PRDM11: variants seen among roughly 807,000 people sequenced by gnomAD.
PRDM11 encodes the protein PR/SET domain 11.
A neutral mutation model predicts 97.8 loss-of-function variants in PRDM11; 20 were observed. The observed-to-expected ratio is 0.20, with a 90% CI of 0.14 to 0.30. The LOEUF (loss-of-function observed/expected upper bound fraction) is 0.30. PRDM11 is among the 10% of genes least tolerant of loss of function. PRDM11 has a pLI of 1.00. For missense variants in PRDM11, 1,139 were observed against 1,555.2 expected (o/e 0.73, Z 4.50); for synonymous variants, 599 against 637.7 (o/e 0.94, Z 0.91).
rs774992710 is a variant in PRDM11 at position 45,206,477 on chromosome 11, G to A, written c.554+1699G>A. Among the ~76,000 whole-genome samples, 176 of 152,322 alleles carry A rather than the reference G, an allele frequency of 1.2e-3. 1 individual carries two copies. Among genetic ancestry groups the A allele is most frequent in the Admixed American group, 4.2e-3 (65 of 15,304 alleles). On this transcript the variant is annotated intron_variant, in intron 5 of 7. Coordinates refer to ENST00000683152, the MANE Select transcript of PRDM11 (RefSeq NM_001384648.1). ...GCTGCAGCCTGGCTCCAGGCAAGCA[G>A]GGGAGACCGTGCGTGTGTCCACTTG...
chr11:45,164,920 A>G (rs774305193), intron 1 of PRDM11, among the ~76,000 whole-genome samples: 5 of 152,102 alleles, frequency 3.3e-5, no homozygotes, highest in African/African-American at 1.2e-4. Flanking sequence ...AGGCTCAGAG[A>G]GGGAAAGGGA....
chr11:45,216,067 C>T (rs1187825092), intron 5 of PRDM11: 1 of 152,626 alleles, frequency 6.6e-6, no homozygotes, highest in Non-Finnish European at 1.5e-5. Flanking sequence ...TAGTACTTAC[C>T]TATCCAGTCC....
chr11:45,196,856 G>A (rs1453567274), intron 4 of PRDM11, among the ~76,000 whole-genome samples: 1 of 152,194 alleles, frequency 6.6e-6, no homozygotes, highest in African/African-American at 2.4e-5. Context: ...TACCACCTGC[G>A]AGAAATGTGT....
intron 1 of PRDM11, among the ~76,000 whole-genome samples, chr11:45,156,431 A>C (rs1450332183): frequency 6.6e-6 from 1 of 152,214 alleles, no homozygotes; most frequent in Non-Finnish European, 1.5e-5. Context: ...TCCTCTTGGA[A>C]CACTGGGAGC....
At position 45,219,710 on chromosome 11, in the gene PRDM11, G is replaced by T. The variant is rs747124010; in HGVS notation, c.695G>T (p.Arg232Leu). 2 of 1,614,008 alleles carry T rather than the reference G, an allele frequency of 1.2e-6. No homozygotes were observed. Among genetic ancestry groups the T allele is most frequent in the Non-Finnish European group, 1.7e-6 (2 of 1,180,016 alleles). The change falls in exon 6 of 8, where the codon CGC becomes CTC. Residue 232 changes from arginine (R) to leucine (L), a missense_variant. Arg to Leu is a moderately radical substitution (Grantham distance 102). Transcript: ENST00000683152. The surrounding 1 kb of genome is among the most constrained non-coding windows in gnomAD (Gnocchi z 4.2). ...RVWYSEDYMK[R>L]LHSMSQETIH... ...TGGTACAGCGAGGACTACATGAAGCGCCTGCACAGCATGTCCCAGGAAACC... is the reference window on the plus strand; with the variant it reads ...TGGTACAGCGAGGACTACATGAAGCTCCTGCACAGCATGTCCCAGGAAACC...
chr11:45,168,958 G>A (rs146975345), intron 1 of PRDM11, among the ~76,000 whole-genome samples: 137 of 152,260 alleles, frequency 9.0e-4, no homozygotes, highest in African/African-American at 3.1e-3. Flanking sequence ...GTGGCTGACC[G>A]GGTACTTGGA....
chr11:45,192,318 AAC>A lies in PRDM11; in HGVS notation c.486+9198_486+9199del, dbSNP rs369209891. Reference sequence around the variant, plus strand: ...TGTTCTCAGATGCAATGGATCATAAAACACTGTTGATTCAATATCAGCTTTTC... The same window carrying A: ...TGTTCTCAGATGCAATGGATCATAAAACTGTTGATTCAATATCAGCTTTTC... On this transcript the variant is annotated intron_variant, in intron 4 of 7. Transcript: ENST00000683152. Among the ~76,000 whole-genome samples, 307 of 152,364 alleles carry A rather than the reference AAC, an allele frequency of 2.0e-3. 3 individuals carry two copies. The highest frequency in any genetic ancestry group is 0.016 in the South Asian group (77 of 4,834).
chr11:45,199,034 A>G (rs1424036632), intron 4 of PRDM11, among the ~76,000 whole-genome samples: 1 of 152,076 alleles, frequency 6.6e-6, no homozygotes, highest in Non-Finnish European at 1.5e-5. Context: ...AAGGTACTCC[A>G]TAAGTGGTAG....
chr11:45,104,836 G>A (rs748265236), intron 1 of PRDM11, among the ~76,000 whole-genome samples: 8 of 152,260 alleles, frequency 5.3e-5, no homozygotes, highest in East Asian at 1.9e-4. Flanking sequence ...TTGGGTTCTC[G>A]ATGCCTTGTG....
At chr11:45,125,148 T>G (rs1027102424) in intron 1 of PRDM11, among the ~76,000 whole-genome samples, 2 of 152,150 alleles carry the variant, frequency 1.3e-5, no homozygotes, top group Non-Finnish European at 2.9e-5. Context: ...TAGTATTCTC[T>G]GATGGTAGTT....
chr11:45,119,639 AAAAAAAAAAAC>A (rs1194071407), intron 1 of PRDM11, among the ~76,000 whole-genome samples: 4 of 146,372 alleles, frequency 2.7e-5, no homozygotes, highest in African/African-American at 1.0e-4. Context: ...AAAAAAAAAA[AAAAAAAAAAAC>A]ACCTGGTAAG....
At chr11:45,172,435 C>T (rs548627515) in intron 1 of PRDM11, among the ~76,000 whole-genome samples, 1 of 152,262 alleles carries the variant, frequency 6.6e-6, no homozygotes, top group Admixed American at 6.5e-5. Context: ...GGGGTCCCAC[C>T]CTCAGTCATC....
chr11:45,113,428 T>C (rs1021210483), intron 1 of PRDM11, among the ~76,000 whole-genome samples: 2 of 152,168 alleles, frequency 1.3e-5, no homozygotes, highest in African/African-American at 4.8e-5. Flanking sequence ...TTGCTTTGGT[T>C]ATACAGGATT....
chr11:45,175,509 G>C (rs2863159), intron 1 of PRDM11, among the ~76,000 whole-genome samples: 1 of 152,090 alleles, frequency 6.6e-6, no homozygotes, highest in African/African-American at 2.4e-5. Flanking sequence ...ATTGCTGTCT[G>C]TTATTTCATT....
intron 1 of PRDM11, among the ~76,000 whole-genome samples, chr11:45,160,712 G>A (rs1472582979): frequency 6.6e-6 from 1 of 152,228 alleles, no homozygotes; most frequent in Non-Finnish European, 1.5e-5. Context: ...ATCTAGAGCA[G>A]CTACTGCTGG....
At chr11:45,203,780 C>T (rs183510436) in intron 4 of PRDM11, among the ~76,000 whole-genome samples, 36 of 152,182 alleles carry the variant, frequency 2.4e-4, no homozygotes, top group Middle Eastern at 3.4e-3. Flanking sequence ...GCCACCACAC[C>T]CAGCTAATTT....
At chr11:45,120,551 GA>G (rs1423490348) in intron 1 of PRDM11, among the ~76,000 whole-genome samples, 1 of 151,898 alleles carries the variant, frequency 6.6e-6, no homozygotes, top group African/African-American at 2.4e-5. Flanking sequence ...ATGGAAGCTA[GA>G]AAAAGAATAT....
At chr11:45,135,128 ACT>A (rs58588988) in intron 1 of PRDM11, among the ~76,000 whole-genome samples, 19,813 of 148,700 alleles carry the variant, frequency 0.13, 1,445 homozygotes, top group Middle Eastern at 0.22. Context: ...TTTTAATTAT[ACT>A]CTCTCTCTCT....
chr11:45,124,005 T>A (rs1486287267), intron 1 of PRDM11, among the ~76,000 whole-genome samples: 1 of 148,814 alleles, frequency 6.7e-6, no homozygotes, highest in Non-Finnish European at 1.5e-5. Flanking sequence ...TTTGTTTGTA[T>A]CCTCTTTTAT....
Sources: allele counts gnomAD v4.1 joint callset (sites outside exome capture counted in the v4.1 genomes callset), GRCh38; gene constraint gnomAD v4.1.1; non-coding constraint Gnocchi (gnomAD v3.1); transcripts MANE v1.5; gene names NCBI Gene and HGNC (gene_info 2026-07-23, HGNC 2026-07-21).